Variants in ARFIP1 observed in about 807,000 individuals in gnomAD.
ARFIP1 encodes the protein ARF interacting protein 1.
A neutral mutation model predicts 42.5 loss-of-function variants in ARFIP1; 24 were observed. The observed-to-expected ratio is 0.57, with a 90% CI of 0.41 to 0.80. The LOEUF is 0.80. ARFIP1 is among the 30% of genes least tolerant of loss of function. The probability of loss-of-function intolerance (pLI) is 0.00; values close to 1 mark genes in which losing one functional copy is unlikely to be tolerated. For missense variants in ARFIP1, 354 were observed against 434.0 expected, an observed-to-expected ratio of 0.82 and a Z score of 1.64; for synonymous variants, 141 against 153.7, an observed-to-expected ratio of 0.92 and a Z score of 0.61.
chr4:152,795,733 A>C (rs1476231822), intron 1 of ARFIP1, among the ~76,000 whole-genome samples: 1 of 149,410 alleles, frequency 6.7e-6, no homozygotes, highest in Non-Finnish European at 1.5e-5. Context: ...AGTCTAATAG[A>C]TGAGAAATGG....
At chr4:152,802,097 G>A (rs188936667) in intron 1 of ARFIP1, among the ~76,000 whole-genome samples, 87 of 151,618 alleles carry the variant, frequency 5.7e-4, no homozygotes, top group South Asian at 2.7e-3. Context: ...TACTAATACA[G>A]AAGGAAATTC....
intron 4 of ARFIP1, 120 bp from the exon 5 acceptor site, chr4:152,872,332 G>T (rs893752160): frequency 3.8e-5 from 23 of 600,374 alleles, no homozygotes; most frequent in Admixed American, 1.8e-4. Flanking sequence ...TTACTTTGTG[G>T]GAACCTTTTT....
intron 2 of ARFIP1, among the ~76,000 whole-genome samples, chr4:152,845,198 TA>T (rs1341457899): frequency 9.2e-5 from 14 of 152,232 alleles, no homozygotes; most frequent in Non-Finnish European, 2.9e-5. Flanking sequence ...TCACCGTATA[TA>T]AAAAATTACT....
intron 5 of ARFIP1, among the ~76,000 whole-genome samples, chr4:152,879,292 A>C (rs1735628309): frequency 6.6e-6 from 1 of 152,178 alleles, no homozygotes; most frequent in Non-Finnish European, 1.5e-5. Flanking sequence ...AAAAAGTCTC[A>C]GATTATTTTG....
At chr4:152,894,231 A>G (rs188080703) in intron 8 of ARFIP1, among the ~76,000 whole-genome samples, 205 of 152,072 alleles carry the variant, frequency 1.3e-3, no homozygotes, top group Non-Finnish European at 1.6e-3. Context: ...AAGAAAGAAA[A>G]AAATGCTCAA....
At chr4:152,907,812 T>A (rs1459309452) in intron 8 of ARFIP1, among the ~76,000 whole-genome samples, 1 of 152,228 alleles carries the variant, frequency 6.6e-6, no homozygotes, top group East Asian at 1.9e-4. Flanking sequence ...GTTTTCTTGC[T>A]TTTTTAATGC....
At chr4:152,780,756 G>A (rs924790443) in intron 1 of ARFIP1, among the ~76,000 whole-genome samples, 2 of 152,188 alleles carry the variant, frequency 1.3e-5, no homozygotes, top group African/African-American at 4.8e-5. Context: ...TGGAAAGGGA[G>A]TTGTTCGATT....
chr4:152,897,724 C>T (rs1033278413), intron 8 of ARFIP1, among the ~76,000 whole-genome samples: 1 of 152,138 alleles, frequency 6.6e-6, no homozygotes, highest in South Asian at 2.1e-4. Context: ...TGGGTATTAT[C>T]CAACTTGATT....
intron 2 of ARFIP1, among the ~76,000 whole-genome samples, chr4:152,841,711 A>C (rs939492183): frequency 6.6e-6 from 1 of 152,192 alleles, no homozygotes; most frequent in Non-Finnish European, 1.5e-5. Context: ...GGCGAAAGAT[A>C]GGGCCCCAAT....
chr4:152,847,625 AAG>A (rs1309150885), intron 2 of ARFIP1, among the ~76,000 whole-genome samples: 5 of 151,994 alleles, frequency 3.3e-5, no homozygotes, highest in Non-Finnish European at 5.9e-5. Flanking sequence ...TCTTTTAAAA[AAG>A]AGTATTACAA....
At chr4:152,842,330 GAA>G (rs57030471) in intron 2 of ARFIP1, among the ~76,000 whole-genome samples, 20 of 112,912 alleles carry the variant, frequency 1.8e-4, no homozygotes, top group African/African-American at 1.6e-4. Flanking sequence ...TCTTGCAACT[GAA>G]AAAAAAAAAA....
chr4:152,829,798 G>A (rs1449255083), intron 2 of ARFIP1, 72 bp downstream of exon 2: 34 of 1,203,336 alleles, frequency 2.8e-5, no homozygotes, highest in Non-Finnish European at 3.8e-5. Flanking sequence ...GAAAGTAATA[G>A]ACAAAATTTA....
At chr4:152,882,296 CACAAA>C (rs1259990614) in intron 6 of ARFIP1, among the ~76,000 whole-genome samples, 4 of 145,822 alleles carry the variant, frequency 2.7e-5, no homozygotes, top group Non-Finnish European at 6.0e-5. Context: ...TCAGTCAAAA[CACAAA>C]AAAAATGCAC....
intron 8 of ARFIP1, among the ~76,000 whole-genome samples, chr4:152,904,895 T>G (rs1014800711): frequency 2.6e-5 from 4 of 152,212 alleles, no homozygotes; most frequent in East Asian, 3.9e-4. Context: ...TTTATATTTT[T>G]GGGGGGGTAT....
At chr4:152,894,281 A>G (rs1160788352) in intron 8 of ARFIP1, among the ~76,000 whole-genome samples, 1 of 152,076 alleles carries the variant, frequency 6.6e-6, no homozygotes, top group Non-Finnish European at 1.5e-5. Context: ...AAAGGTTTGG[A>G]AAAGCTTTGA....
At chr4:152,812,040 A>G (rs1444958907) in intron 1 of ARFIP1, among the ~76,000 whole-genome samples, 2 of 152,182 alleles carry the variant, frequency 1.3e-5, no homozygotes, top group African/African-American at 4.8e-5. Flanking sequence ...TTGGTTTATC[A>G]TTGTCTTTCT....
intron 1 of ARFIP1, among the ~76,000 whole-genome samples, chr4:152,784,319 C>T (rs1426145322): frequency 6.6e-6 from 1 of 152,184 alleles, no homozygotes; most frequent in African/African-American, 2.4e-5. Flanking sequence ...ATGGCTCTTG[C>T]AGATTAACAG....
intron 2 of ARFIP1, among the ~76,000 whole-genome samples, chr4:152,858,697 G>A (rs774827121): frequency 1.3e-5 from 2 of 152,092 alleles, no homozygotes; most frequent in Non-Finnish European, 2.9e-5. Context: ...CAGGTGCTGG[G>A]TATATAGCAG....
intron 8 of ARFIP1, among the ~76,000 whole-genome samples, chr4:152,899,854 G>C (rs188245022): frequency 6.6e-6 from 1 of 152,234 alleles, no homozygotes; most frequent in Admixed American, 6.5e-5. Context: ...TATAATATGT[G>C]ATCTAGATGA....
Sources: gnomAD v4.1 joint callset for allele counts (sites outside exome capture counted in the v4.1 genomes callset) on GRCh38, gnomAD v4.1.1 for gene constraint, MANE v1.5 for transcripts, NCBI Gene and HGNC (gene_info 2026-07-23, HGNC 2026-07-21) for gene names.